Variants in EVC2 observed in about 807,000 individuals in gnomAD.
The protein encoded by EVC2 is limbin.
EVC2 carries 148 observed loss-of-function variants against 149.3 expected under a neutral mutation model. The ratio of observed to expected loss-of-function variants is 0.99; its 90% CI spans 0.87 to 1.14. EVC2 has a LOEUF of 1.14. EVC2 is among the 50% of genes most tolerant of loss of function. The probability of loss-of-function intolerance (pLI) is 0.00; values close to 1 mark genes in which losing one functional copy is unlikely to be tolerated. For synonymous variants in EVC2, 776 were observed against 649.9 expected (o/e 1.19, Z -2.95); for missense variants, 1,854 against 1,627.3 (o/e 1.14, Z -2.40).
rs1722816787 is a variant in EVC2, at chr4:5,574,740, A to C, written c.3305T>G (p.Leu1102Arg). The change falls in exon 19 of 22, where the codon CTA becomes CGA. Residue 1102 changes from leucine to arginine, a missense_variant. Transcript: ENST00000344408. ...CTCCATGTTTTCCAACAAGTCTTCTAGCACGACACTGTTCTGTTGTTCCTC... is the reference window on the plus strand; with the variant it reads ...CTCCATGTTTTCCAACAAGTCTTCTCGCACGACACTGTTCTGTTGTTCCTC... ...LREEQQNSVV[L>R]EDLLENMEAD... The C allele has an allele frequency of 1.9e-6, 3 of 1,614,118 alleles. No homozygotes were observed. The highest frequency in any genetic ancestry group is 2.5e-6 in the Non-Finnish European group (3 of 1,180,046).
chr4:5,623,406 C>T (rs753042870), intron 13 of EVC2, among the ~76,000 whole-genome samples: 7 of 151,988 alleles, frequency 4.6e-5, no homozygotes, highest in Admixed American at 1.3e-4. Flanking sequence ...GTGGCACTAT[C>T]TTGGCTCATT....
At chr4:5,536,817 T>C in the EVC2 span, among the ~76,000 whole-genome samples, 2 of 150,906 alleles carry the variant, frequency 1.3e-5, no homozygotes, top group Non-Finnish European at 1.5e-5. Context: ...CCCTAACATA[T>C]AAATCTCTGT....
Position 5,574,763 on chromosome 4 carries a change from C to T in EVC2, c.3282G>A (p.Glu1094=). Residue 1094 remains glutamate, a synonymous_variant, in exon 19 of 22, where the codon GAG becomes GAA. Transcript: ENST00000344408. Reference sequence around the variant, plus strand: ...CTAGCACGACACTGTTCTGTTGTTCCTCTCTCAAACTGGAGTGAAAATAAA... The same window carrying T: ...CTAGCACGACACTGTTCTGTTGTTCTTCTCTCAAACTGGAGTGAAAATAAA... ...LLEQHQQCLR[E]EQQNSVVLED... The T allele has an allele frequency of 6.2e-7, 1 of 1,614,162 alleles. No homozygotes were observed. The highest frequency in any genetic ancestry group is 1.3e-5 in the African/African-American group (1 of 75,054).
chr4:5,538,261 A>G (rs772129030), downstream of EVC2, among the ~76,000 whole-genome samples: 2 of 152,176 alleles, frequency 1.3e-5, no homozygotes, highest in African/African-American at 2.4e-5. Flanking sequence ...CTTAAAGTAC[A>G]TACATTACCA....
chr4:5,668,694 C>T (rs1719435712), intron 7 of EVC2, among the ~76,000 whole-genome samples: 2 of 152,144 alleles, frequency 1.3e-5, no homozygotes, highest in African/African-American at 2.4e-5. Context: ...TTTTAATCCC[C>T]TTTATCTTCA....
intron 21 of EVC2, among the ~76,000 whole-genome samples, chr4:5,556,393 G>A (rs1475523009): frequency 6.6e-6 from 1 of 151,836 alleles, no homozygotes; most frequent in African/African-American, 2.4e-5. Context: ...TGAACCACAT[G>A]AAAATGAAAA....
intron 7 of EVC2, among the ~76,000 whole-genome samples, chr4:5,669,562 C>A (rs187238005): frequency 2.6e-5 from 4 of 152,320 alleles, no homozygotes; most frequent in Admixed American, 2.0e-4. Context: ...TACATATGGG[C>A]AGCATCACTC....
Position 5,584,806 on chromosome 4 carries a change from TGC to T in EVC2, c.2872_2873del (p.Ala958ThrfsTer45), listed in dbSNP as rs760766280. On this transcript the variant is annotated frameshift_variant, in exon 17 of 22. Transcript: ENST00000344408. LOFTEE classifies it high-confidence loss of function. ...LLRERVQRME[A>X]QEGGFAQSLV... ...GCGACTGTGCAAAGCCTCCCTCCTG[TGC>T]CTCCATCCGCTGCACTCTCTCCCGC... 2.5e-6 allele frequency: 4 copies of T among 1,614,024 alleles called. No individual in the cohort carries two copies. The highest frequency in any genetic ancestry group is 2.5e-6 in the Non-Finnish European group (3 of 1,180,040).
intron 7 of EVC2, among the ~76,000 whole-genome samples, chr4:5,674,400 A>C (rs1577236937): frequency 6.6e-6 from 1 of 152,230 alleles, no homozygotes; most frequent in East Asian, 1.9e-4. Flanking sequence ...TTTTAAAATG[A>C]GAAAGTGGGA....
At chr4:5,571,377 G>C (rs1258389771) in intron 19 of EVC2, among the ~76,000 whole-genome samples, 1 of 150,748 alleles carries the variant, frequency 6.6e-6, no homozygotes, top group Non-Finnish European at 1.5e-5. Context: ...CAGGTGGTGG[G>C]TGCACCAAAA....
chr4:5,594,681 A>G (rs1713207114), intron 16 of EVC2, among the ~76,000 whole-genome samples: 1 of 152,246 alleles, frequency 6.6e-6, no homozygotes, highest in Non-Finnish European at 1.5e-5. Flanking sequence ...CTCCAAAGGA[A>G]CGCAGCTCCT....
At chr4:5,572,958 C>T (rs751889530) in intron 19 of EVC2, among the ~76,000 whole-genome samples, 12 of 152,190 alleles carry the variant, frequency 7.9e-5, no homozygotes, top group Non-Finnish European at 1.6e-4. Flanking sequence ...CGAGCAGTGG[C>T]GGGCCCTCAT....
intron 2 of EVC2, among the ~76,000 whole-genome samples, chr4:5,694,947 T>C (rs1049226641): frequency 6.6e-5 from 10 of 152,138 alleles, no homozygotes; most frequent in Non-Finnish European, 1.3e-4. Context: ...TAGGTCCTTC[T>C]GGGCACCCGC....
intron 1 of EVC2, among the ~76,000 whole-genome samples, chr4:5,700,340 G>C (rs1721748762): frequency 6.6e-6 from 1 of 151,668 alleles, no homozygotes; most frequent in Non-Finnish European, 1.5e-5. Flanking sequence ...GGATGGCAAA[G>C]CATCCATTGG....
chr4:5,568,807 A>G (rs1385832696), intron 19 of EVC2, among the ~76,000 whole-genome samples, 167 bp from the exon 20 acceptor site: 2 of 152,066 alleles, frequency 1.3e-5, no homozygotes, highest in Non-Finnish European at 2.9e-5. Flanking sequence ...AAAAAAACCT[A>G]TTTGGTCAGC....
intron 11 of EVC2, 83 bp downstream of exon 11, chr4:5,631,710 A>T (rs1393773208): frequency 6.4e-7 from 1 of 1,568,334 alleles, no homozygotes; most frequent in East Asian, 2.2e-5. Context: ...AAGGAGAGGC[A>T]GGACTGAACT....
rs142037692 is a variant in EVC2, at chr4:5,569,608, G to A, written c.3361-968C>T. ...GAGCTATTGGGTGCCCAAAGGCCAT[G>A]AGAAGGAGCAGTGTCCAGCCAGGGG... On this transcript the variant is annotated intron_variant, in intron 19 of 21. Coordinates refer to ENST00000344408, the MANE Select transcript of EVC2 (RefSeq NM_147127.5). The surrounding 1 kb of genome is among the most constrained non-coding windows in gnomAD (Gnocchi z 4.8). 1.4e-3 allele frequency among the ~76,000 whole-genome samples: 219 copies of A among 152,204 alleles called. No homozygotes were observed. The highest frequency in any genetic ancestry group is 3.5e-3 in the South Asian group (17 of 4,802).
In EVC2 at chr4:5,708,392, G is replaced by A; in HGVS notation, c.122C>T (p.Pro41Leu). ...LGASSRPRWR[P>L]LGAQPPRDPQ... The stretch of plus-strand genomic sequence containing the variant: ...ATCCCGGGGTGGCTGCGCGCCGAGG[G>A]GGCGCCAGCGGGGACGTGAGCTGGC... Residue 41 changes from proline (P) to leucine (L), a missense_variant, in exon 1 of 22, where the codon CCC (proline) becomes CTC (leucine). Physicochemically the swap from Pro to Leu is moderately conservative, Grantham distance 98 (BLOSUM62 -3). Transcript: ENST00000344408. The A allele has an allele frequency of 1.3e-6, 2 of 1,496,288 alleles. No homozygotes were observed. Among genetic ancestry groups the A allele is most frequent in the Non-Finnish European group, 1.8e-6 (2 of 1,130,304 alleles). The allele number at this position is 1,496,288 out of a possible 1,614,324, so 92.7% of individuals were successfully genotyped here. A position where few individuals can be genotyped will look rare whatever the true frequency, so the allele number is the denominator to read the frequency against.
intron 7 of EVC2, among the ~76,000 whole-genome samples, chr4:5,672,552 T>C (rs144861038): frequency 5.3e-5 from 8 of 152,300 alleles, no homozygotes; most frequent in African/African-American, 1.9e-4. Flanking sequence ...TGGCTTTTGA[T>C]GGGGGTTCAA....
Sources: gnomAD v4.1 joint callset for allele counts (sites outside exome capture counted in the v4.1 genomes callset) on GRCh38, gnomAD v4.1.1 for gene constraint, Gnocchi (gnomAD v3.1) non-coding constraint, MANE v1.5 for transcripts, NCBI Gene and HGNC (gene_info 2026-07-23, HGNC 2026-07-21) for gene names.